The following HERC1 variants were observed in gnomAD, a reference collection of about 807,000 sequenced individuals.
The protein encoded by HERC1 is probable E3 ubiquitin-protein ligase HERC1.
HERC1 carries 160 observed loss-of-function variants against 554.3 expected under a neutral mutation model. That is an observed-to-expected ratio of 0.29 (90% CI 0.25 to 0.33). The LOEUF is 0.33. Ranked by LOEUF, HERC1 falls within the 10% of genes least tolerant of loss-of-function variation. The pLI is 1.00. For synonymous variants in HERC1, 2,175 were observed against 2,131.7 expected (o/e 1.02, Z -0.56); for missense variants, 4,919 against 5,918.5 (o/e 0.83, Z 5.54).
intron 24 of HERC1, among the ~76,000 whole-genome samples, chr15:63,711,232 G>A (rs2073276272): frequency 6.6e-6 from 1 of 152,176 alleles, no homozygotes; most frequent in African/African-American, 2.4e-5. Context: ...GGCTGAGGCA[G>A]GAGGATTGCT....
intron 19 of HERC1, among the ~76,000 whole-genome samples, chr15:63,719,916 G>T (rs1596062307): frequency 6.6e-6 from 1 of 152,202 alleles, no homozygotes; most frequent in African/African-American, 2.4e-5. Context: ...AGAGGAGATA[G>T]TGAGTAAACT....
chr15:63,776,400 G>A (rs2143002780), intron 1 of HERC1, among the ~76,000 whole-genome samples: 1 of 152,216 alleles, frequency 6.6e-6, no homozygotes, highest in Non-Finnish European at 1.5e-5. Flanking sequence ...AAAAACTTTG[G>A]GACTCATAAT....
intron 64 of HERC1, chr15:63,637,149 C>G: frequency 2.2e-6 from 1 of 460,220 alleles, no homozygotes; most frequent in South Asian, 1.5e-5. Context: ...AGCACATTTG[C>G]AGATTTCCAT....
rs1486105670 is a variant in HERC1, at chr15:63,756,917, T to C, written c.1222-169A>G. On this transcript the variant is annotated intron_variant, in intron 4 of 77. Transcript: ENST00000443617. The surrounding 1 kb of genome is among the most constrained non-coding windows in gnomAD (Gnocchi z 5.0). The stretch of plus-strand genomic sequence containing the variant: ...AATCTAAGAGAACACGAATGGCCTT[T>C]TCATGCTCACAACTTTGTTGCTGAG... Among the ~76,000 whole-genome samples the C allele has an allele frequency of 6.6e-6, 1 of 152,218 alleles. No individual in the cohort carries two copies. The highest frequency in any genetic ancestry group is 1.5e-5 in the Non-Finnish European group (1 of 68,038).
intron 25 of HERC1, among the ~76,000 whole-genome samples, chr15:63,700,424 G>A (rs1356570368): frequency 2.0e-5 from 3 of 151,592 alleles, no homozygotes; most frequent in Non-Finnish European, 4.4e-5. Context: ...AAACACTAAT[G>A]CCCACAGAGA....
chr15:63,620,927 T>C (rs1450522639), intron 74 of HERC1, among the ~76,000 whole-genome samples: 1 of 152,250 alleles, frequency 6.6e-6, no homozygotes, highest in Non-Finnish European at 1.5e-5. Flanking sequence ...AGCACACTGA[T>C]GGGTCTTGAC....
intron 76 of HERC1, among the ~76,000 whole-genome samples, chr15:63,614,142 T>G (rs1169469118): frequency 6.6e-6 from 1 of 152,182 alleles, no homozygotes; most frequent in Non-Finnish European, 1.5e-5. Flanking sequence ...GAGGAAGGGC[T>G]TGTTACTGAG....
chr15:63,617,876 T>C (rs1287444201), intron 74 of HERC1, among the ~76,000 whole-genome samples: 2 of 152,308 alleles, frequency 1.3e-5, no homozygotes, highest in South Asian at 2.1e-4. Flanking sequence ...TGTAAATGTG[T>C]TGGAGTTCAT....
chr15:63,628,678 T>C lies in HERC1; in HGVS notation c.13104A>G (p.Pro4368=), dbSNP rs759358593. The stretch of plus-strand genomic sequence containing the variant: ...GAGCATGAATATTTCATTCCTCACC[T>C]GGTGCTCTTGGTGGGACAGGTGGTG... The part of the protein sequence containing the change: ...WTAPPVPPRA[P]GVSVPLQLGL... Residue 4368 remains proline (P), a splice_region_variant and synonymous_variant, in exon 70 of 78, where the codon CCA becomes CCG. Transcript: ENST00000443617. 8.1e-6 allele frequency: 13 copies of C among 1,607,820 alleles called. No homozygotes were observed. The highest frequency in any genetic ancestry group is 1.0e-5 in the Non-Finnish European group (12 of 1,178,012).
chr15:63,653,519 C>T (rs1260594258), intron 51 of HERC1, among the ~76,000 whole-genome samples: 1 of 152,094 alleles, frequency 6.6e-6, no homozygotes, highest in Non-Finnish European at 1.5e-5. Flanking sequence ...AATAGTGAGG[C>T]CAATTTCTTT....
At chr15:63,666,276 G>T in intron 41 of HERC1, 80 bp downstream of exon 41, 1 of 1,375,904 alleles carries the variant, frequency 7.3e-7, no homozygotes, top group Non-Finnish European at 1.0e-6. Flanking sequence ...AAGTTTCATA[G>T]CCTCTTAAAA....
At chr15:63,762,476 G>A (rs541832529) in intron 3 of HERC1, among the ~76,000 whole-genome samples, 3 of 151,972 alleles carry the variant, frequency 2.0e-5, no homozygotes, top group East Asian at 1.9e-4. Flanking sequence ...GACGTCTGCC[G>A]CCCCACCCAG....
At chr15:63,829,561 G>GTGTATA (rs1220043639) in intron 1 of HERC1, among the ~76,000 whole-genome samples, 4 of 81,762 alleles carry the variant, frequency 4.9e-5, no homozygotes, top group South Asian at 3.8e-4. Context: ...GTGTGTGTGT[G>GTGTATA]TATATATATA....
intron 34 of HERC1, among the ~76,000 whole-genome samples, chr15:63,682,510 C>T (rs780137418): frequency 1.4e-4 from 21 of 152,112 alleles, no homozygotes; most frequent in Non-Finnish European, 1.5e-4. Flanking sequence ...GGGGCTCACA[C>T]CTGTAATCTT....
chr15:63,829,561 G>GTGTGTATA (rs1220043639), intron 1 of HERC1, among the ~76,000 whole-genome samples: 49 of 81,724 alleles, frequency 6.0e-4, no homozygotes, highest in South Asian at 2.3e-3. Flanking sequence ...GTGTGTGTGT[G>GTGTGTATA]TATATATATA....
chr15:63,830,450 C>T (rs1333964909), intron 1 of HERC1, among the ~76,000 whole-genome samples: 4 of 151,986 alleles, frequency 2.6e-5, no homozygotes, highest in Non-Finnish European at 5.9e-5. Flanking sequence ...AACTGAGGAA[C>T]TGTCAGAGAT....
chr15:63,832,923 T>C (rs2146247330), intron 1 of HERC1, among the ~76,000 whole-genome samples: 2 of 152,374 alleles, frequency 1.3e-5, no homozygotes, highest in South Asian at 4.1e-4. Context: ...TTTGTTCAGA[T>C]TTGTTATTCC....
intron 73 of HERC1, among the ~76,000 whole-genome samples, chr15:63,623,405 A>ATGGG (rs2068169793): frequency 6.6e-6 from 1 of 152,244 alleles, no homozygotes; most frequent in Non-Finnish European, 1.5e-5. Flanking sequence ...ATCAGAGCAC[A>ATGGG]TGGGTGCTCC....
chr15:63,759,327 A>G (rs1242101749), intron 3 of HERC1, among the ~76,000 whole-genome samples: 1 of 152,224 alleles, frequency 6.6e-6, no homozygotes, highest in African/African-American at 2.4e-5. Flanking sequence ...TAAAATAAAA[A>G]TCATGGCTTA....
Sources: gnomAD v4.1 joint callset for allele counts (sites outside exome capture counted in the v4.1 genomes callset) on GRCh38, gnomAD v4.1.1 for gene constraint, Gnocchi (gnomAD v3.1) non-coding constraint, MANE v1.5 for transcripts, NCBI Gene and HGNC (gene_info 2026-07-23, HGNC 2026-07-21) for gene names.